FER: variants seen among roughly 807,000 people sequenced by gnomAD.
FER encodes the protein FER tyrosine kinase, also known as tyrosine-protein kinase Fer.
In FER, 63 loss-of-function variants were observed where a neutral mutation model predicts 111.0. The observed-to-expected ratio is 0.57, with a 90% CI of 0.46 to 0.70. The LOEUF is 0.70. Among genes scored for constraint, FER ranks in the 30% least tolerant of loss-of-function variants. The pLI is 0.00. For missense variants in FER, 914 were observed against 954.0 expected, an observed-to-expected ratio of 0.96 and a Z score of 0.55; for synonymous variants, 327 against 313.9, an observed-to-expected ratio of 1.04 and a Z score of -0.44.
intron 2 of FER, among the ~76,000 whole-genome samples, chr5:108,773,018 G>A (rs1444553118): frequency 6.6e-6 from 1 of 152,142 alleles, no homozygotes; most frequent in African/African-American, 2.4e-5. Flanking sequence ...TGGTACTTGT[G>A]TAGAACTGTC....
At chr5:108,964,182 A>G (rs1166866380) in intron 13 of FER, among the ~76,000 whole-genome samples, 1 of 152,144 alleles carries the variant, frequency 6.6e-6, no homozygotes, top group Non-Finnish European at 1.5e-5. Context: ...ATTATGTTAG[A>G]GCGAATAAAT....
chr5:108,844,050 G>GCGTGTGAACATATA (rs1561499963), intron 5 of FER, among the ~76,000 whole-genome samples: 2 of 102,312 alleles, frequency 2.0e-5, no homozygotes, highest in African/African-American at 7.9e-5. Flanking sequence ...ACATATATAT[G>GCGTGTGAACATATA]TGTGTGAACA....
intron 17 of FER, among the ~76,000 whole-genome samples, chr5:109,150,232 A>G (rs543400097): frequency 5.0e-4 from 76 of 152,146 alleles, no homozygotes; most frequent in African/African-American, 1.1e-3. Flanking sequence ...CTGAGCATCT[A>G]TCTGATCAGC....
intron 17 of FER, among the ~76,000 whole-genome samples, chr5:109,127,656 T>C (rs891125361): frequency 9.2e-5 from 14 of 152,072 alleles, no homozygotes; most frequent in Admixed American, 7.2e-4. Context: ...CCACCGGCCA[T>C]GGCCTCCCAA....
chr5:108,811,651 A>G (rs1580674194), intron 3 of FER, among the ~76,000 whole-genome samples: 2 of 152,296 alleles, frequency 1.3e-5, no homozygotes, highest in East Asian at 1.9e-4. Context: ...ATGATTTATC[A>G]TGGAAGTCTA....
intron 3 of FER, among the ~76,000 whole-genome samples, chr5:108,825,990 G>A (rs923497935): frequency 6.6e-6 from 1 of 152,130 alleles, no homozygotes; most frequent in Non-Finnish European, 1.5e-5. Context: ...GTGAGAGTGA[G>A]CATCCTTTTC....
intron 10 of FER, among the ~76,000 whole-genome samples, chr5:108,936,710 T>C (rs1280883311): frequency 6.6e-6 from 1 of 152,064 alleles, no homozygotes; most frequent in African/African-American, 2.4e-5. Flanking sequence ...AAATAATACA[T>C]TTTTATTTCT....
At chr5:108,905,898 A>T (rs1209075833) in intron 10 of FER, among the ~76,000 whole-genome samples, 2 of 152,166 alleles carry the variant, frequency 1.3e-5, no homozygotes, top group Non-Finnish European at 2.9e-5. Context: ...TTAATAAGTA[A>T]TTGTGGCAAT....
At chr5:108,870,819 G>T (rs1409727460) in intron 6 of FER, among the ~76,000 whole-genome samples, 1 of 152,056 alleles carries the variant, frequency 6.6e-6, no homozygotes, top group Non-Finnish European at 1.5e-5. Context: ...ATTAGACCAG[G>T]CTAATAATTT....
intron 17 of FER, among the ~76,000 whole-genome samples, chr5:109,128,632 A>G (rs1561931825): frequency 6.6e-6 from 1 of 152,120 alleles, no homozygotes; most frequent in African/African-American, 2.4e-5. Flanking sequence ...TTGTATTAAG[A>G]TGTTCACACT....
chr5:109,155,541 G>A (rs990591514), intron 17 of FER, among the ~76,000 whole-genome samples: 1 of 151,884 alleles, frequency 6.6e-6, no homozygotes, highest in Non-Finnish European at 1.5e-5. Context: ...GTAGCCCAAA[G>A]TAAAAGAAAA....
Position 108,867,907 on chromosome 5 carries a change from C to T in FER, c.622C>T (p.Leu208=), listed in dbSNP as rs1318859479. The change falls in exon 6 of 20, where the codon CTG becomes TTG. Residue 208 remains leucine (L), a synonymous_variant. Coordinates refer to ENST00000281092, the MANE Select transcript of FER (RefSeq NM_005246.4). ...TTATGATATCACACTTCCCCTGCTT[C>T]TGGACTCCTTACAAAAGATGCAAGA... ...QYYDITLPLL[L]DSLQKMQEEM... 1 of 1,612,354 alleles carries T rather than the reference C, an allele frequency of 6.2e-7. No individual in the cohort carries two copies. The highest frequency in any genetic ancestry group is 1.7e-5 in the Admixed American group (1 of 59,620).
chr5:109,138,961 C>T (rs1561944248), intron 17 of FER, among the ~76,000 whole-genome samples: 1 of 152,144 alleles, frequency 6.6e-6, no homozygotes, highest in South Asian at 2.1e-4. Context: ...GTAGAGGGCC[C>T]ATGGCAATCT....
At chr5:108,998,062 T>A (rs921664293) in intron 13 of FER, among the ~76,000 whole-genome samples, 1 of 151,780 alleles carries the variant, frequency 6.6e-6, no homozygotes, top group East Asian at 1.9e-4. Flanking sequence ...GATCTTAGCT[T>A]GCCAGGCTCC....
At chr5:109,047,516 A>T (rs1772156552) in intron 16 of FER, among the ~76,000 whole-genome samples, 1 of 152,238 alleles carries the variant, frequency 6.6e-6, no homozygotes, top group African/African-American at 2.4e-5. Context: ...TCTAACAGTG[A>T]TAGTACTATC....
chr5:109,136,769 T>C (rs1370266287), intron 17 of FER, among the ~76,000 whole-genome samples: 1 of 152,094 alleles, frequency 6.6e-6, no homozygotes, highest in Non-Finnish European at 1.5e-5. Context: ...CTCTTCACAT[T>C]TATAAATTCT....
intron 2 of FER, chr5:108,785,341 C>A (rs376800856): frequency 1.2e-5 from 7 of 572,302 alleles, no homozygotes; most frequent in Admixed American, 4.0e-5. Context: ...CCAACTGCTA[C>A]TGGCTCTGTG....
chr5:109,006,469 A>C (rs1765519620), intron 13 of FER, among the ~76,000 whole-genome samples: 1 of 152,258 alleles, frequency 6.6e-6, no homozygotes, highest in East Asian at 1.9e-4. Flanking sequence ...CATGATTGTG[A>C]GGCCTCCCCA....
chr5:108,946,117 T>G lies in FER; in HGVS notation c.1237-13T>G. On this transcript the variant is annotated splice_polypyrimidine_tract_variant and intron_variant, in intron 10 of 19. Coordinates refer to ENST00000281092, the MANE Select transcript of FER (RefSeq NM_005246.4). ...TTTACTGTTGCTGAAGGCTTGTTTC[T>G]TAATCCCTCCAGGAAAGAAAGGAGA... is the stretch of plus-strand genomic sequence containing the variant. 6.2e-7 allele frequency: 1 copy of G among 1,603,536 alleles called. No homozygotes were observed. The highest frequency in any genetic ancestry group is 8.5e-7 in the Non-Finnish European group (1 of 1,171,294).
Sources: allele counts gnomAD v4.1 joint callset (sites outside exome capture counted in the v4.1 genomes callset), GRCh38; gene constraint gnomAD v4.1.1; transcripts MANE v1.5; gene names NCBI Gene and HGNC (gene_info 2026-07-23, HGNC 2026-07-21).